Variants in FHIT observed in about 807,000 individuals in gnomAD.
FHIT encodes the protein fragile histidine triad diadenosine triphosphatase.
In FHIT, 19 loss-of-function variants were observed where a neutral mutation model predicts 17.9. The ratio of observed to expected loss-of-function variants is 1.06; its 90% CI spans 0.74 to 1.56. The LOEUF (loss-of-function observed/expected upper bound fraction) is 1.56. FHIT is among the 40% of genes most tolerant of loss of function. The pLI, the probability that FHIT is intolerant of heterozygous loss-of-function variation, is 0.00. For missense variants in FHIT, 248 were observed against 189.2 expected (o/e 1.31, Z -1.82); for synonymous variants, 81 against 69.7 (o/e 1.16, Z -0.81).
chr3:61,155,223 T>G (rs1175529891), intron 2 of FHIT, among the ~76,000 whole-genome samples: 3 of 152,212 alleles, frequency 2.0e-5, no homozygotes, highest in Non-Finnish European at 4.4e-5. Context: ...GGGGAACTTA[T>G]GAGCACACCC....
intron 3 of FHIT, among the ~76,000 whole-genome samples, chr3:61,014,807 A>AAATATATATAT (rs1553798839): frequency 1.6e-4 from 8 of 49,112 alleles, no homozygotes; most frequent in African/African-American, 4.3e-4. Flanking sequence ...AAAAAAAAAA[A>AAATATATATAT]ATATATATAT....
Position 60,534,250 on chromosome 3 carries a change from A to AC in FHIT, c.103+2609dup, listed in dbSNP as rs2035893533. Among the ~76,000 whole-genome samples the AC allele has an allele frequency of 2.9e-5, 4 of 139,656 alleles. No homozygotes were observed. In the Admixed American group the frequency reaches 2.9e-4, roughly 10 times the overall value. 91.6% of individuals were successfully genotyped at this position (139,656 alleles called of 152,430 possible). A position where few individuals can be genotyped will look rare whatever the true frequency, so the allele number is the denominator to read the frequency against. Reference sequence around the variant, plus strand: ...AGACCATCCTGGCTAACAAGGTGAAACCCCGTCTCTACTAAAAATACAAAA... The same window carrying AC: ...AGACCATCCTGGCTAACAAGGTGAAACCCCCGTCTCTACTAAAAATACAAAA... On this transcript the variant is annotated intron_variant, in intron 5 of 9. Coordinates refer to ENST00000492590, the MANE Select transcript of FHIT (RefSeq NM_002012.4).
intron 5 of FHIT, among the ~76,000 whole-genome samples, chr3:60,207,062 C>T (rs1175690100): frequency 6.6e-6 from 1 of 151,870 alleles, no homozygotes; most frequent in East Asian, 1.9e-4. Flanking sequence ...AAAGGAAAAA[C>T]CATTTGAAAA....
intron 7 of FHIT, among the ~76,000 whole-genome samples, chr3:59,929,172 T>C (rs374038306): frequency 3.9e-4 from 59 of 151,998 alleles, no homozygotes; most frequent in Middle Eastern, 3.4e-3. Flanking sequence ...CCATGCACTG[T>C]TTCCAGCAAT....
At chr3:60,163,134 C>T (rs1701011764) in intron 5 of FHIT, among the ~76,000 whole-genome samples, 1 of 41,632 alleles carries the variant, frequency 2.4e-5, no homozygotes, top group African/African-American at 1.7e-4. Context: ...CTTTCACTGC[C>T]CTATGGCCCG....
chr3:60,772,852 G>A (rs1700091113), intron 4 of FHIT, among the ~76,000 whole-genome samples: 1 of 152,226 alleles, frequency 6.6e-6, no homozygotes, highest in East Asian at 1.9e-4. Flanking sequence ...CCCACCAACT[G>A]ATGGTTCCTC....
intron 2 of FHIT, among the ~76,000 whole-genome samples, chr3:61,097,669 T>C (rs560288336): frequency 6.6e-6 from 1 of 152,316 alleles, no homozygotes; most frequent in Non-Finnish European, 1.5e-5. Context: ...CTGTATCTCA[T>C]TGTGGTTTTG....
chr3:60,155,966 T>C (rs578130710), intron 5 of FHIT, among the ~76,000 whole-genome samples: 24 of 152,290 alleles, frequency 1.6e-4, no homozygotes, highest in African/African-American at 5.3e-4. Context: ...GTAAATATAG[T>C]TTTAAAAATC....
intron 2 of FHIT, among the ~76,000 whole-genome samples, chr3:61,127,022 G>A (rs1231926931): frequency 6.6e-6 from 1 of 152,158 alleles, no homozygotes; most frequent in Non-Finnish European, 1.5e-5. Flanking sequence ...CAAGCGCGGT[G>A]GCAGATGATG....
At chr3:60,357,998 T>C (rs749087900) in intron 5 of FHIT, among the ~76,000 whole-genome samples, 2 of 152,208 alleles carry the variant, frequency 1.3e-5, no homozygotes, top group Non-Finnish European at 2.9e-5. Context: ...GTTCGAACTA[T>C]AGACCTCCAA....
intron 7 of FHIT, among the ~76,000 whole-genome samples, chr3:59,990,803 T>C (rs1709193633): frequency 6.6e-6 from 1 of 152,096 alleles, no homozygotes; most frequent in African/African-American, 2.4e-5. Flanking sequence ...ACTGGCATTT[T>C]AGAACAGAGG....
chr3:60,927,074 G>C (rs1235235926), intron 3 of FHIT, among the ~76,000 whole-genome samples: 4 of 152,248 alleles, frequency 2.6e-5, no homozygotes, highest in African/African-American at 9.6e-5. Flanking sequence ...GTACTGCCAC[G>C]ATCTCGGCTC....
chr3:60,452,962 T>C (rs949710674), intron 5 of FHIT, among the ~76,000 whole-genome samples: 5 of 152,204 alleles, frequency 3.3e-5, no homozygotes, highest in African/African-American at 9.6e-5. Context: ...GTCATTTCTG[T>C]AGTGTACACG....
At position 60,036,325 on chromosome 3, in the gene FHIT, T is replaced by C. The variant is rs144754150; in HGVS notation, c.104-22173A>G. Among the ~76,000 whole-genome samples the C allele has an allele frequency of 7.9e-3, 1,200 of 152,324 alleles. 13 individuals carry two copies. The highest frequency in any genetic ancestry group is 0.027 in the African/African-American group (1,115 of 41,578). On this transcript the variant is annotated intron_variant, in intron 5 of 9. Coordinates refer to ENST00000492590, the MANE Select transcript of FHIT (RefSeq NM_002012.4). Reference sequence around the variant, plus strand: ...TCCTGCTAAAAGGAAACCGTTCATATGGTTAATATACAGAGCATGTTATTT... The same window carrying C: ...TCCTGCTAAAAGGAAACCGTTCATACGGTTAATATACAGAGCATGTTATTT...
intron 2 of FHIT, among the ~76,000 whole-genome samples, chr3:61,064,992 G>A (rs905900306): frequency 2.0e-5 from 3 of 152,102 alleles, no homozygotes; most frequent in African/African-American, 7.2e-5. Context: ...CATAAATTAT[G>A]ATTTCTGCAT....
At chr3:60,320,710 C>A (rs1041021104) in intron 5 of FHIT, among the ~76,000 whole-genome samples, 3 of 151,940 alleles carry the variant, frequency 2.0e-5, no homozygotes, top group Non-Finnish European at 4.4e-5. Flanking sequence ...GAAAAGATTT[C>A]TATAAAACTT....
intron 4 of FHIT, chr3:60,732,088 G>A (rs1467402882): frequency 3.3e-6 from 2 of 611,258 alleles, no homozygotes; most frequent in Admixed American, 4.7e-5. Context: ...TGGAGGGGTA[G>A]TCTCCTGAGC....
chr3:60,128,134 A>G (rs9833904), intron 5 of FHIT, among the ~76,000 whole-genome samples: 28,867 of 152,194 alleles, frequency 0.19, 3,001 homozygotes, highest in Admixed American at 0.3. Context: ...CTAAAAGAAG[A>G]TAAGTTTTAC....
chr3:61,013,335 T>C (rs545984320), intron 3 of FHIT, among the ~76,000 whole-genome samples: 2 of 152,342 alleles, frequency 1.3e-5, no homozygotes, highest in African/African-American at 4.8e-5. Flanking sequence ...ATCACTGAAT[T>C]GTGGATATGA....
Sources: gnomAD v4.1 joint callset for allele counts (sites outside exome capture counted in the v4.1 genomes callset) on GRCh38, gnomAD v4.1.1 for gene constraint, MANE v1.5 for transcripts, NCBI Gene and HGNC (gene_info 2026-07-23, HGNC 2026-07-21) for gene names.